The following NR3C2 variants were observed in gnomAD, a reference collection of about 807,000 sequenced individuals.
NR3C2 encodes nuclear receptor subfamily 3 group C member 2.
Under a neutral mutation model 86.4 loss-of-function variants are expected in NR3C2, and 15 were observed. The observed-to-expected ratio is 0.17, with a 90% CI of 0.12 to 0.27. The LOEUF (loss-of-function observed/expected upper bound fraction) is 0.27, where lower values mean the gene tolerates loss of function less well. Among genes scored for constraint, NR3C2 ranks in the 10% least tolerant of loss-of-function variants. The pLI, the probability that NR3C2 is intolerant of heterozygous loss-of-function variation, is 1.00. For synonymous variants in NR3C2, 458 were observed against 450.5 expected (o/e 1.02, Z -0.21); for missense variants, 960 against 1,195.6 (o/e 0.80, Z 2.91).
At chr4:148,189,199 C>A (rs1736080954) in intron 4 of NR3C2, among the ~76,000 whole-genome samples, 1 of 152,084 alleles carries the variant, frequency 6.6e-6, no homozygotes, top group South Asian at 2.1e-4. Flanking sequence ...AAAGTGTTGG[C>A]ATTACAGGCA....
At chr4:148,280,667 T>A (rs1346317957) in intron 2 of NR3C2, among the ~76,000 whole-genome samples, 1 of 151,974 alleles carries the variant, frequency 6.6e-6, no homozygotes, top group Non-Finnish European at 1.5e-5. Context: ...CCTAACTAAT[T>A]TTTTTATTTT....
At chr4:148,202,462 C>G (rs964136967) in intron 3 of NR3C2, among the ~76,000 whole-genome samples, 1 of 152,192 alleles carries the variant, frequency 6.6e-6, no homozygotes, top group Non-Finnish European at 1.5e-5. Flanking sequence ...CTTGGGGAGG[C>G]CTGTCCTGAT....
chr4:148,369,925 TG>T (rs1443825450), intron 2 of NR3C2, among the ~76,000 whole-genome samples: 1 of 152,244 alleles, frequency 6.6e-6, no homozygotes, highest in Admixed American at 6.5e-5. Context: ...GTGAAATTGA[TG>T]GGCACTGAGG....
At chr4:148,300,436 T>G (rs1742279197) in intron 2 of NR3C2, among the ~76,000 whole-genome samples, 1 of 152,214 alleles carries the variant, frequency 6.6e-6, no homozygotes. Flanking sequence ...AGGATTTTCT[T>G]AAAGACTGCT....
At chr4:148,424,880 C>T (rs897820801) in intron 2 of NR3C2, among the ~76,000 whole-genome samples, 2 of 152,086 alleles carry the variant, frequency 1.3e-5, no homozygotes, top group East Asian at 3.8e-4. Context: ...TAGAACTGAA[C>T]ACCAAAAAGA....
At chr4:148,421,285 CT>C (rs1240496980) in intron 2 of NR3C2, among the ~76,000 whole-genome samples, 3 of 152,186 alleles carry the variant, frequency 2.0e-5, no homozygotes, top group African/African-American at 2.4e-5. Flanking sequence ...ATCTTCAGAA[CT>C]CTTTTTGGAT....
intron 6 of NR3C2, 96 bp downstream of exon 6, chr4:148,152,373 C>G: frequency 7.2e-7 from 1 of 1,393,420 alleles, no homozygotes; most frequent in Admixed American, 1.9e-5. Context: ...TCAGTAGATT[C>G]TTTCACCAAC....
At chr4:148,166,523 C>T (rs1202462006) in intron 4 of NR3C2, among the ~76,000 whole-genome samples, 2 of 152,210 alleles carry the variant, frequency 1.3e-5, no homozygotes, top group African/African-American at 2.4e-5. Flanking sequence ...TTCTGCACAG[C>T]TGGCTGAACA....
chr4:148,288,986 G>A (rs1741667160), intron 2 of NR3C2, among the ~76,000 whole-genome samples: 1 of 152,058 alleles, frequency 6.6e-6, no homozygotes. Context: ...AAAGAAATGA[G>A]GGTGCAATAG....
At chr4:148,136,670 G>C (rs1310969395) in intron 6 of NR3C2, among the ~76,000 whole-genome samples, 2 of 151,850 alleles carry the variant, frequency 1.3e-5, no homozygotes, top group Non-Finnish European at 2.9e-5. Flanking sequence ...TTTTGAGATG[G>C]AGTTTCGCTC....
intron 6 of NR3C2, among the ~76,000 whole-genome samples, chr4:148,137,643 T>C (rs1458486678): frequency 6.6e-6 from 1 of 152,172 alleles, no homozygotes; most frequent in Non-Finnish European, 1.5e-5. Flanking sequence ...AGAGTCTGGG[T>C]TGGGTTTTAA....
chr4:148,179,784 A>T (rs1735561240), intron 4 of NR3C2, among the ~76,000 whole-genome samples: 1 of 151,810 alleles, frequency 6.6e-6, no homozygotes, highest in Non-Finnish European at 1.5e-5. Flanking sequence ...CCAATCCTGA[A>T]TTTCCTCCAT....
At chr4:148,204,035 G>A (rs1042351704) in intron 3 of NR3C2, among the ~76,000 whole-genome samples, 9 of 152,072 alleles carry the variant, frequency 5.9e-5, no homozygotes. Flanking sequence ...TTCCCATGTG[G>A]ATAAGCACAA....
chr4:148,301,547 C>T (rs540919371), intron 2 of NR3C2, among the ~76,000 whole-genome samples: 40 of 152,256 alleles, frequency 2.6e-4, no homozygotes, highest in Non-Finnish European at 4.9e-4. Flanking sequence ...TATGGCTTTT[C>T]GATAAATTGA....
chr4:148,289,273 C>CAAAAAA (rs34696054), intron 2 of NR3C2, among the ~76,000 whole-genome samples: 1 of 130,856 alleles, frequency 7.6e-6, no homozygotes, highest in African/African-American at 2.8e-5. Flanking sequence ...TATTTACAGC[C>CAAAAAA]AAAAAAAAAA....
At chr4:148,339,905 C>A (rs1744670733) in intron 2 of NR3C2, among the ~76,000 whole-genome samples, 1 of 151,988 alleles carries the variant, frequency 6.6e-6, no homozygotes, top group South Asian at 2.1e-4. Context: ...TATAAGCCAA[C>A]AGTGAACAAT....
intron 2 of NR3C2, among the ~76,000 whole-genome samples, chr4:148,278,245 C>A (rs1401678957): frequency 1.3e-5 from 2 of 151,946 alleles, no homozygotes; most frequent in African/African-American, 4.8e-5. Flanking sequence ...GTATCTGGAA[C>A]CACAGGTGCA....
intron 2 of NR3C2, among the ~76,000 whole-genome samples, chr4:148,400,009 T>C (rs1397594574): frequency 6.6e-6 from 1 of 150,608 alleles, no homozygotes; most frequent in Non-Finnish European, 1.5e-5. Flanking sequence ...CTTATCTTAA[T>C]TTGTCAAGAA....
At chr4:148,437,405 AC>A (rs1750132299) in intron 1 of NR3C2, among the ~76,000 whole-genome samples, 1 of 152,262 alleles carries the variant, frequency 6.6e-6, no homozygotes, top group South Asian at 2.1e-4. Flanking sequence ...CTCTTTCCAA[AC>A]ATAAACATAC....
Sources: gnomAD v4.1 joint callset for allele counts (sites outside exome capture counted in the v4.1 genomes callset) on GRCh38, gnomAD v4.1.1 for gene constraint, MANE v1.5 for transcripts, NCBI Gene and HGNC (gene_info 2026-07-23, HGNC 2026-07-21) for gene names.